PCDH15: variants seen among roughly 807,000 people sequenced by gnomAD.
The protein encoded by PCDH15 is protocadherin related 15.
In PCDH15, 129 loss-of-function variants were observed where a neutral mutation model predicts 178.5. The ratio of observed to expected loss-of-function variants is 0.72; its 90% CI spans 0.63 to 0.84. The LOEUF (loss-of-function observed/expected upper bound fraction) is 0.84, where lower values mean the gene tolerates loss of function less well. PCDH15 is among the 40% of genes least tolerant of loss of function. The pLI is 0.00. For synonymous variants in PCDH15, 800 were observed against 732.0 expected (o/e 1.09, Z -1.50); for missense variants, 2,230 against 2,099.9 (o/e 1.06, Z -1.21).
intron 15 of PCDH15, among the ~76,000 whole-genome samples, chr10:54,099,531 T>TATATATAA (rs998333562): frequency 1.1e-4 from 14 of 129,676 alleles, no homozygotes; most frequent in African/African-American, 4.1e-4. Flanking sequence ...TATATATATA[T>TATATATAA]AAAACAAAAA....
At chr10:53,939,427 C>T (rs1400349918) in intron 24 of PCDH15, among the ~76,000 whole-genome samples, 2 of 151,838 alleles carry the variant, frequency 1.3e-5, no homozygotes, top group African/African-American at 4.8e-5. Context: ...GCTAAGAACA[C>T]TTGAGAGAAA....
intron 16 of PCDH15, 41 bp downstream of exon 16, chr10:54,089,943 G>T: frequency 6.9e-7 from 1 of 1,439,644 alleles, no homozygotes; most frequent in Non-Finnish European, 9.8e-7. Flanking sequence ...ACAGTACGTT[G>T]CTGTACATTT....
intron 2 of PCDH15, among the ~76,000 whole-genome samples, chr10:55,530,482 T>C (rs1161832357): frequency 6.6e-6 from 1 of 152,046 alleles, no homozygotes; most frequent in Non-Finnish European, 1.5e-5. Flanking sequence ...GGATCTATTC[T>C]GATTCTGTAG....
At chr10:55,236,034 A>G (rs1367549445) in intron 1 of PCDH15, among the ~76,000 whole-genome samples, 1 of 152,012 alleles carries the variant, frequency 6.6e-6, no homozygotes, top group Admixed American at 6.5e-5. Flanking sequence ...AGAAAAAAAG[A>G]CATTTGAAGT....
intron 13 of PCDH15, among the ~76,000 whole-genome samples, chr10:54,171,812 T>A (rs2046937745): frequency 6.6e-6 from 1 of 151,488 alleles, no homozygotes; most frequent in East Asian, 1.9e-4. Flanking sequence ...ATCCAGGCCA[T>A]CACCAATCAT....
intron 2 of PCDH15, among the ~76,000 whole-genome samples, chr10:55,360,425 A>T (rs1845199934): frequency 1.3e-5 from 2 of 151,962 alleles, no homozygotes; most frequent in African/African-American, 4.8e-5. Flanking sequence ...CATAATTAAG[A>T]GACCATTAAG....
intron 2 of PCDH15, among the ~76,000 whole-genome samples, chr10:55,415,277 C>A (rs1455542979): frequency 6.6e-6 from 1 of 151,548 alleles, no homozygotes. Context: ...GCAATATGTT[C>A]TTTATATTTC....
intron 2 of PCDH15, among the ~76,000 whole-genome samples, chr10:54,940,759 C>G (rs747915120): frequency 4.0e-5 from 6 of 151,650 alleles, no homozygotes; most frequent in Non-Finnish European, 8.8e-5. Context: ...TGGAGTGCCC[C>G]TCTTATCATT....
intron 2 of PCDH15, among the ~76,000 whole-genome samples, chr10:55,402,756 C>T (rs117057264): frequency 1.3e-5 from 2 of 152,042 alleles, no homozygotes; most frequent in East Asian, 3.9e-4. Context: ...CTGATACTGG[C>T]TACTATCAAT....
At chr10:54,612,044 T>C (rs974604710) in intron 2 of PCDH15, among the ~76,000 whole-genome samples, 5 of 151,900 alleles carry the variant, frequency 3.3e-5, no homozygotes, top group Admixed American at 1.3e-4. Flanking sequence ...TTAAGGTATA[T>C]GTGTCTTTGA....
At chr10:54,070,289 C>T (rs1315560801) in intron 17 of PCDH15, among the ~76,000 whole-genome samples, 7 of 151,894 alleles carry the variant, frequency 4.6e-5, no homozygotes, top group Non-Finnish European at 8.8e-5. Context: ...CTGCAACCTC[C>T]GCCTCCCAGG....
chr10:53,952,965 T>C (rs2087224033), intron 23 of PCDH15, among the ~76,000 whole-genome samples: 1 of 152,232 alleles, frequency 6.6e-6, no homozygotes, highest in African/African-American at 2.4e-5. Context: ...GAACACACTT[T>C]GAGCATGCAG....
Position 54,613,332 on chromosome 10 carries a change from G to C in PCDH15, c.91+50840C>G, listed in dbSNP as rs192084146. ...AGAGAATGTGAATGAGGAAAAGAAAGACAATTGTTCAGGAAGTTCAATAAA... is the reference window on the plus strand; with the variant it reads ...AGAGAATGTGAATGAGGAAAAGAAACACAATTGTTCAGGAAGTTCAATAAA... On this transcript the variant is annotated intron_variant, in intron 2 of 37. Transcript: ENST00000644397. 2.5e-3 allele frequency among the ~76,000 whole-genome samples: 373 copies of C among 151,936 alleles called. 1 individual carries two copies. Among genetic ancestry groups the C allele is most frequent in the African/African-American group, 7.9e-3 (330 of 41,530 alleles).
At chr10:54,306,440 C>A (rs12250646) in intron 8 of PCDH15, among the ~76,000 whole-genome samples, 1 of 152,076 alleles carries the variant, frequency 6.6e-6, no homozygotes, top group Admixed American at 6.6e-5. Context: ...GACAGGCCAG[C>A]AGGCTGGAGA....
At chr10:54,389,572 C>T (rs1195843913) in intron 3 of PCDH15, among the ~76,000 whole-genome samples, 6 of 152,172 alleles carry the variant, frequency 3.9e-5, no homozygotes, top group South Asian at 4.1e-4. Context: ...GTTCGAAATC[C>T]GTATTTGCGG....
chr10:54,061,203 G>A (rs952679924), intron 18 of PCDH15, among the ~76,000 whole-genome samples: 4 of 152,082 alleles, frequency 2.6e-5, no homozygotes, highest in African/African-American at 7.2e-5. Flanking sequence ...TCTAGTAAGA[G>A]GCCTCTCATA....
intron 5 of PCDH15, among the ~76,000 whole-genome samples, chr10:54,355,324 A>C (rs993667592): frequency 5.3e-5 from 8 of 151,958 alleles, no homozygotes; most frequent in Non-Finnish European, 1.2e-4. Flanking sequence ...AAATGATATA[A>C]TTTAGATTAT....
chr10:54,809,665 A>G (rs1171281535), intron 3 of PCDH15, among the ~76,000 whole-genome samples: 1 of 152,138 alleles, frequency 6.6e-6, no homozygotes, highest in South Asian at 2.1e-4. Flanking sequence ...AGTGCCAACA[A>G]TGTGCCAGGC....
rs2059119548 is a variant in PCDH15 at position 54,287,685 on chromosome 10, C to T, written c.876+29586G>A. ...GGACAAGACAAGATGTTTATATATA[C>T]TTCCTGCTGTTTAATATTCATGCAA... On this transcript the variant is annotated intron_variant, in intron 8 of 37. Transcript: ENST00000644397. Among the ~76,000 whole-genome samples the T allele has an allele frequency of 2.6e-5, 4 of 152,102 alleles. No homozygotes were observed. In the South Asian group the frequency reaches 8.3e-4, roughly 32 times the overall value.
Sources: gnomAD v4.1 joint callset for allele counts (sites outside exome capture counted in the v4.1 genomes callset) on GRCh38, gnomAD v4.1.1 for gene constraint, MANE v1.5 for transcripts, NCBI Gene and HGNC (gene_info 2026-07-23, HGNC 2026-07-21) for gene names.